CCDC171: variants seen among roughly 807,000 people sequenced by gnomAD.
CCDC171 encodes the protein coiled-coil domain-containing protein 171.
A neutral mutation model predicts 168.2 loss-of-function variants in CCDC171; 177 were observed. The observed-to-expected ratio is 1.05, with a 90% CI of 0.93 to 1.19. The LOEUF is 1.19. CCDC171 is among the 50% of genes most tolerant of loss of function. The probability of loss-of-function intolerance (pLI) is 0.00; values close to 1 mark genes in which losing one functional copy is unlikely to be tolerated. For synonymous variants in CCDC171, 687 were observed against 540.8 expected (o/e 1.27, Z -3.75); for missense variants, 1,991 against 1,539.0 (o/e 1.29, Z -4.91).
intron 16 of CCDC171, among the ~76,000 whole-genome samples, chr9:15,733,163 G>C (rs893069855): frequency 6.6e-6 from 1 of 152,106 alleles, no homozygotes; most frequent in Non-Finnish European, 1.5e-5. Flanking sequence ...ATTGGATTGT[G>C]TGTTTTCTTA....
chr9:15,556,054 G>A (rs895083449), intron 1 of CCDC171, among the ~76,000 whole-genome samples: 32 of 152,122 alleles, frequency 2.1e-4, no homozygotes, highest in Non-Finnish European at 3.1e-4. Context: ...TGGTGTATAT[G>A]TGCCACATTT....
intron 7 of CCDC171, among the ~76,000 whole-genome samples, chr9:15,632,647 T>G (rs2045823396): frequency 1.3e-5 from 2 of 152,194 alleles, no homozygotes; most frequent in African/African-American, 2.4e-5. Context: ...CCAATGACTT[T>G]CTTCACAGAA....
chr9:15,872,851 A>T (rs1817351585), intron 23 of CCDC171, among the ~76,000 whole-genome samples: 2 of 152,028 alleles, frequency 1.3e-5, no homozygotes, highest in African/African-American at 4.8e-5. Context: ...GGTGACAAAA[A>T]AAAGCAAGAG....
chr9:15,587,297 G>A (rs1480209253), intron 4 of CCDC171, among the ~76,000 whole-genome samples: 2 of 152,174 alleles, frequency 1.3e-5, no homozygotes, highest in Non-Finnish European at 2.9e-5. Flanking sequence ...GGGACCCAGT[G>A]GGAGATGATT....
chr9:15,825,651 G>T (rs1369535780), intron 21 of CCDC171, among the ~76,000 whole-genome samples: 2 of 152,024 alleles, frequency 1.3e-5, no homozygotes, highest in Non-Finnish European at 2.9e-5. Context: ...TCCAATACAG[G>T]ATTTTCTTTC....
In CCDC171 at chr9:15,761,232, C is replaced by CT. The variant is rs1340635175; in HGVS notation, c.2671+15609dup. Reference sequence around the variant, plus strand: ...ATACCCCTGCTAGTACAACTCAGAACTTTTTTTTATTGCGTACTTTGAGTT... The same window carrying CT: ...ATACCCCTGCTAGTACAACTCAGAACTTTTTTTTTATTGCGTACTTTGAGTT... On this transcript the variant is annotated intron_variant, in intron 18 of 25. Coordinates refer to ENST00000380701, the MANE Select transcript of CCDC171 (RefSeq NM_173550.4). Among the ~76,000 whole-genome samples the CT allele has an allele frequency of 3.3e-5, 5 of 152,094 alleles. No homozygotes were observed. In the East Asian group the frequency reaches 9.6e-4, roughly 29 times the overall value.
chr9:15,686,985 TG>T (rs2050440871), intron 10 of CCDC171, among the ~76,000 whole-genome samples: 1 of 152,166 alleles, frequency 6.6e-6, no homozygotes, highest in South Asian at 2.1e-4. Flanking sequence ...GAAATATTCT[TG>T]TGGATAGATC....
Position 15,644,779 on chromosome 9 carries a change from G to T in CCDC171, c.823-12348G>T, listed in dbSNP as rs2046906100. Among the ~76,000 whole-genome samples, 4 of 152,360 alleles carry T rather than the reference G, an allele frequency of 2.6e-5. No homozygotes were observed. In the South Asian group the frequency reaches 8.3e-4, roughly 32 times the overall value. On this transcript the variant is annotated intron_variant, in intron 7 of 25. Transcript: ENST00000380701. ...CTGGGTGGAGCCCACCGCAGCCCAA[G>T]GAGGCCTGCCTGCCTCTGTAGACTC... is the stretch of plus-strand genomic sequence containing the variant.
At chr9:16,002,704 AT>A (rs1348856826) in intron 3 of CCDC171, among the ~76,000 whole-genome samples, 1 of 152,210 alleles carries the variant, frequency 6.6e-6, no homozygotes, top group African/African-American at 2.4e-5. Context: ...AGGCCTTCAC[AT>A]TCACTCACCA....
At chr9:15,618,005 C>T (rs970227060) in intron 6 of CCDC171, among the ~76,000 whole-genome samples, 17 of 152,138 alleles carry the variant, frequency 1.1e-4, no homozygotes, top group African/African-American at 4.1e-4. Flanking sequence ...CTTGAGGAGG[C>T]AGTCTGTCCT....
intron 25 of CCDC171, among the ~76,000 whole-genome samples, chr9:15,963,256 C>A (rs956021406): frequency 6.6e-6 from 1 of 151,940 alleles, no homozygotes; most frequent in Non-Finnish European, 1.5e-5. Flanking sequence ...GGGTGCAGCA[C>A]ACCATCATGG....
chr9:15,917,201 T>G (rs1488502880), intron 24 of CCDC171, among the ~76,000 whole-genome samples: 2 of 151,940 alleles, frequency 1.3e-5, no homozygotes. Flanking sequence ...TTCTTTATTC[T>G]TCAAAGGATA....
chr9:15,981,907 T>C (rs914725055), intron 3 of CCDC171, among the ~76,000 whole-genome samples: 3 of 152,164 alleles, frequency 2.0e-5, no homozygotes, highest in Admixed American at 1.3e-4. Flanking sequence ...AGTAGAATAA[T>C]TTGAAAGGGA....
At chr9:15,666,119 A>G (rs1255840093) in intron 8 of CCDC171, 44 bp from the exon 9 acceptor site, 20 of 1,562,858 alleles carry the variant, frequency 1.3e-5, no homozygotes, top group Middle Eastern at 3.4e-4. Context: ...GATTGATGCT[A>G]GCATTTCTTA....
At chr9:15,778,445 C>T (rs1228865319) in intron 19 of CCDC171, among the ~76,000 whole-genome samples, 13 of 149,780 alleles carry the variant, frequency 8.7e-5, no homozygotes, top group African/African-American at 3.2e-4. Flanking sequence ...TCAAGAACAG[C>T]CTGGCCAACA....
At chr9:15,887,354 G>T (rs185100784) in intron 24 of CCDC171, among the ~76,000 whole-genome samples, 163 of 152,166 alleles carry the variant, frequency 1.1e-3, no homozygotes, top group Middle Eastern at 3.4e-3. Context: ...TTCAGTTTTG[G>T]AGCCTTCTAG....
rs1161480233 is a variant in CCDC171, at chr9:15,821,314, A to G, written c.3268-25388A>G. On this transcript the variant is annotated intron_variant, in intron 21 of 25. Coordinates refer to ENST00000380701, the MANE Select transcript of CCDC171 (RefSeq NM_173550.4). ...CCCTCTCTCACCACTCCTATTCAAC[A>G]TAGTGTTGGAAGTTCTGGCCAGGGC... Among the ~76,000 whole-genome samples, 2 of 117,194 alleles carry G rather than the reference A, an allele frequency of 1.7e-5. 1 individual carries two copies. Among genetic ancestry groups the G allele is most frequent in the Non-Finnish European group, 3.8e-5 (2 of 52,320 alleles). The allele number at this position is 117,194 out of a possible 152,430, so 76.9% of individuals were successfully genotyped here.
chr9:15,727,951 A>T lies in CCDC171; in HGVS notation c.1775A>T (p.Asp592Val). Residue 592 changes from aspartate (D) to valine (V), a missense_variant, in exon 15 of 26, where the codon GAT becomes GTT. Transcript: ENST00000380701. ...ATAAAACAACCAGAAGGCATGCTGG[A>T]TAAATTCTCTTGGTCTGAGCTTTGT... ...VLIKQPEGMLDKFSWSELCAV... is the reference protein window; with the variant it reads ...VLIKQPEGMLVKFSWSELCAV... The T allele has an allele frequency of 1.2e-6, 2 of 1,613,528 alleles. No homozygotes were observed. Among genetic ancestry groups the T allele is most frequent in the Non-Finnish European group, 1.7e-6 (2 of 1,179,668 alleles).
At chr9:16,039,466 A>C (rs1421634803), upstream of CCDC171, among the ~76,000 whole-genome samples, 1 of 152,230 alleles carries the variant, frequency 6.6e-6, no homozygotes, top group East Asian at 1.9e-4. Flanking sequence ...AATGTAGGCT[A>C]AATGGCTGTC....
Sources: allele counts gnomAD v4.1 joint callset (sites outside exome capture counted in the v4.1 genomes callset), GRCh38; gene constraint gnomAD v4.1.1; transcripts MANE v1.5; gene names NCBI Gene and HGNC (gene_info 2026-07-23, HGNC 2026-07-21).